Variants in ANKRD33B observed in about 807,000 individuals in gnomAD.
The protein encoded by ANKRD33B is ankyrin repeat domain-containing protein 33B.
Under a neutral mutation model 21.5 loss-of-function variants are expected in ANKRD33B, and 6 were observed. The observed-to-expected ratio is 0.28, with a 90% CI of 0.15 to 0.55. ANKRD33B has a LOEUF of 0.55. ANKRD33B is among the 20% of genes least tolerant of loss of function. The pLI, the probability that ANKRD33B is intolerant of heterozygous loss-of-function variation, is 0.94. For missense variants in ANKRD33B, 698 were observed against 747.2 expected (o/e 0.93, Z 0.77); for synonymous variants, 347 against 342.4 (o/e 1.01, Z -0.15).
intron 3 of ANKRD33B, 83 bp downstream of exon 3, chr5:10,638,251 C>T (rs913391025): frequency 5.5e-6 from 8 of 1,455,610 alleles, no homozygotes; most frequent in African/African-American, 1.4e-5. Flanking sequence ...TGAGATTAAT[C>T]ACTCCCATAG....
intron 1 of ANKRD33B, among the ~76,000 whole-genome samples, chr5:10,602,298 A>G (rs1468745425): frequency 6.6e-6 from 1 of 152,236 alleles, no homozygotes; most frequent in East Asian, 1.9e-4. Flanking sequence ...AGGCCTGAGG[A>G]TCTGCATTTC....
chr5:10,592,076 GTGTGT>G (rs1735708149), intron 1 of ANKRD33B, among the ~76,000 whole-genome samples: 1 of 2,516 alleles, frequency 4.0e-4, no homozygotes, highest in Non-Finnish European at 8.8e-4. Flanking sequence ...ATTTTATGGT[GTGTGT>G]GTGTGTGTGT....
chr5:10,590,083 T>C (rs1284730396), intron 1 of ANKRD33B, among the ~76,000 whole-genome samples: 1 of 152,220 alleles, frequency 6.6e-6, no homozygotes, highest in Non-Finnish European at 1.5e-5. Context: ...TTTCTAAAAT[T>C]TTTGATTCTT....
At chr5:10,637,721 G>A (rs962599865) in intron 2 of ANKRD33B, among the ~76,000 whole-genome samples, 2 of 152,042 alleles carry the variant, frequency 1.3e-5, no homozygotes, top group African/African-American at 4.8e-5. Flanking sequence ...CTACCTGCCC[G>A]CAGCGTCCCT....
intron 1 of ANKRD33B, among the ~76,000 whole-genome samples, chr5:10,586,194 C>T (rs900139818): frequency 2.0e-5 from 3 of 151,670 alleles, no homozygotes; most frequent in Non-Finnish European, 2.9e-5. Context: ...CCCACCTATA[C>T]CCAAATCTGC....
intron 1 of ANKRD33B, 114 bp downstream of exon 1, chr5:10,564,947 A>G (rs1735014825): frequency 2.2e-6 from 3 of 1,358,732 alleles, no homozygotes; most frequent in East Asian, 5.1e-5. Context: ...TCGGTCACTC[A>G]GCCGCCGCCC....
intron 3 of ANKRD33B, among the ~76,000 whole-genome samples, chr5:10,638,677 T>C (rs1560984463): frequency 6.6e-6 from 1 of 151,746 alleles, no homozygotes; most frequent in Non-Finnish European, 1.5e-5. Context: ...CGTTGGGAGG[T>C]GACGTGGAGT....
chr5:10,585,518 T>C (rs1233379619), intron 1 of ANKRD33B, among the ~76,000 whole-genome samples: 1 of 152,248 alleles, frequency 6.6e-6, no homozygotes, highest in Non-Finnish European at 1.5e-5. Context: ...CATGTGGCTT[T>C]GCTTGTTCTA....
In ANKRD33B at chr5:10,649,631, G is replaced by A. The variant is rs1157420514; in HGVS notation, c.1003G>A (p.Val335Met). The A allele has an allele frequency of 1.3e-6, 2 of 1,531,194 alleles. No homozygotes were observed. Among genetic ancestry groups the A allele is most frequent in the East Asian group, 4.9e-5 (2 of 40,780 alleles). The allele number at this position is 1,531,194 out of a possible 1,614,324, so 94.9% of individuals were successfully genotyped here. A position where few individuals can be genotyped will look rare whatever the true frequency, so the allele number is the denominator to read the frequency against. ...CGTGTGCCCTGAGAGCCCTCCGAGCGTGGGGAAGAGGCGGCTGGCGGTGCA... is the reference window on the plus strand; with the variant it reads ...CGTGTGCCCTGAGAGCCCTCCGAGCATGGGGAAGAGGCGGCTGGCGGTGCA... The part of the protein sequence containing the change: ...QTVCPESPPS[V>M]GKRRLAVQEI... The change falls in exon 4 of 4, where the codon GTG (valine) becomes ATG (methionine). Residue 335 changes from valine (V) to methionine (M), a missense_variant. By Grantham distance (21) the Val-to-Met change is conservative (BLOSUM62 1). Transcript: ENST00000296657.
rs1194254406 is a variant in ANKRD33B at position 10,654,846 on chromosome 5, T to C, written c.*4733T>C. 3.3e-5 allele frequency: 5 copies of C among 152,508 alleles called. No homozygotes were observed. The highest frequency in any genetic ancestry group is 1.5e-5 in the Non-Finnish European group (1 of 68,064). The allele number at this position is 152,508 out of a possible 1,614,324, so 9.4% of individuals were successfully genotyped here. A position where few individuals can be genotyped will look rare whatever the true frequency, so the allele number is the denominator to read the frequency against. ...CTTCTGTGAATAAAGTGTTCTACAG[T>C]CAGCCCAGCACTAAACTCACCAGAA... On this transcript the variant is annotated 3_prime_UTR_variant, in exon 4 of 4. Transcript: ENST00000296657.
intron 2 of ANKRD33B, among the ~76,000 whole-genome samples, chr5:10,627,053 T>C (rs1213404143): frequency 1.3e-5 from 2 of 152,228 alleles, no homozygotes; most frequent in Non-Finnish European, 2.9e-5. Context: ...CTTTTGAGTG[T>C]TCTCTAAAAA....
At chr5:10,597,304 A>G (rs60367652) in intron 1 of ANKRD33B, among the ~76,000 whole-genome samples, 6,596 of 152,308 alleles carry the variant, frequency 0.043, 495 homozygotes, top group African/African-American at 0.15. Flanking sequence ...CTCATCTCAC[A>G]TGCAAAGACA....
At chr5:10,620,062 T>C (rs963151240) in intron 2 of ANKRD33B, among the ~76,000 whole-genome samples, 17 of 151,968 alleles carry the variant, frequency 1.1e-4, no homozygotes, top group African/African-American at 4.1e-4. Flanking sequence ...GAGGGAAGGA[T>C]GGGGACCAGA....
chr5:10,648,674 G>T (rs368354925), intron 3 of ANKRD33B, among the ~76,000 whole-genome samples: 1 of 152,178 alleles, frequency 6.6e-6, no homozygotes, highest in Non-Finnish European at 1.5e-5. Flanking sequence ...CAGGAGAGTC[G>T]CTTGAACCCG....
At chr5:10,629,841 T>A (rs1736664993) in intron 2 of ANKRD33B, among the ~76,000 whole-genome samples, 3 of 151,868 alleles carry the variant, frequency 2.0e-5, no homozygotes, top group Admixed American at 2.0e-4. Flanking sequence ...TCAGAAAGGA[T>A]GAAAGAGAGG....
At chr5:10,624,181 G>A (rs1194404264) in intron 2 of ANKRD33B, among the ~76,000 whole-genome samples, 1 of 146,996 alleles carries the variant, frequency 6.8e-6, no homozygotes, top group Admixed American at 6.8e-5. Flanking sequence ...CCAGGCTGGG[G>A]TGCAGTGGCA....
At chr5:10,594,407 A>G in intron 1 of ANKRD33B, among the ~76,000 whole-genome samples, 1 of 151,924 alleles carries the variant, frequency 6.6e-6, no homozygotes, top group Non-Finnish European at 1.5e-5. Context: ...TAGTAGAGAC[A>G]GGGTTTCTCC....
intron 1 of ANKRD33B, among the ~76,000 whole-genome samples, chr5:10,594,221 C>CTTTT (rs10658307): frequency 0.017 from 1,414 of 82,636 alleles, 7 homozygotes; most frequent in Middle Eastern, 0.023. Flanking sequence ...ACACATCCTT[C>CTTTT]TTTTTTTTTT....
At chr5:10,607,115 AAGT>A (rs753364152) in intron 1 of ANKRD33B, among the ~76,000 whole-genome samples, 7 of 152,212 alleles carry the variant, frequency 4.6e-5, no homozygotes, top group South Asian at 2.1e-4. Flanking sequence ...GGGAAAAAGA[AAGT>A]AGGCAACCTG....
Sources: gnomAD v4.1 joint callset for allele counts (sites outside exome capture counted in the v4.1 genomes callset) on GRCh38, gnomAD v4.1.1 for gene constraint, MANE v1.5 for transcripts, NCBI Gene and HGNC (gene_info 2026-07-23, HGNC 2026-07-21) for gene names.